Variants in CAST observed in about 807,000 individuals in gnomAD.
CAST encodes the protein calpastatin, also known as MIR583 host.
In CAST, 76 loss-of-function variants were observed where a neutral mutation model predicts 119.6. The ratio of observed to expected loss-of-function variants is 0.64; its 90% CI spans 0.53 to 0.77. The LOEUF is 0.77. Ranked by LOEUF, CAST falls within the 30% of genes least tolerant of loss-of-function variation. CAST has a pLI of 0.00. For missense variants in CAST, 953 were observed against 946.5 expected (o/e 1.01, Z -0.09); for synonymous variants, 319 against 331.6 (o/e 0.96, Z 0.41).
At chr5:96,452,819 G>C in the CAST span, among the ~76,000 whole-genome samples, 1 of 145,470 alleles carries the variant, frequency 6.9e-6, no homozygotes, top group South Asian at 2.2e-4. Context: ...GCGCGGTGGC[G>C]GGCGCCTGTA....
At chr5:96,720,189 TG>T (rs752220841) in intron 3 of CAST, among the ~76,000 whole-genome samples, 1 of 152,202 alleles carries the variant, frequency 6.6e-6, no homozygotes, top group Non-Finnish European at 1.5e-5. Flanking sequence ...GGTAAAATCT[TG>T]GACATGAGAT....
the CAST span, among the ~76,000 whole-genome samples, chr5:96,325,372 T>TTC: frequency 2.0e-5 from 3 of 150,312 alleles, no homozygotes; most frequent in African/African-American, 7.4e-5. Context: ...TTTCTTTCTT[T>TTC]TCTTTCTTCT....
intron 1 of CAST, among the ~76,000 whole-genome samples, chr5:96,541,676 G>A (rs1745916177): frequency 6.6e-6 from 1 of 152,138 alleles, no homozygotes; most frequent in African/African-American, 2.4e-5. Context: ...CGTTTGTATA[G>A]TTTTTTCCTT....
chr5:96,658,309 A>G (rs986313907), upstream of CAST, among the ~76,000 whole-genome samples: 6 of 152,156 alleles, frequency 3.9e-5, no homozygotes, highest in African/African-American at 1.4e-4. Context: ...CTATCAGCAC[A>G]TACACAAAAG....
chr5:96,090,008 T>C, the CAST span, among the ~76,000 whole-genome samples: 4 of 152,184 alleles, frequency 2.6e-5, no homozygotes, highest in Non-Finnish European at 4.4e-5. Flanking sequence ...TATTTGGTGG[T>C]ATCCCAGTGT....
the CAST span, among the ~76,000 whole-genome samples, chr5:96,494,141 C>T: frequency 6.6e-6 from 1 of 152,166 alleles, no homozygotes; most frequent in South Asian, 2.1e-4. Context: ...AAAAGCAATT[C>T]CAAGCAAACA....
At chr5:96,035,198 A>G in the CAST span, among the ~76,000 whole-genome samples, 1 of 105,348 alleles carries the variant, frequency 9.5e-6, no homozygotes, top group Non-Finnish European at 1.9e-5. Flanking sequence ...AAATAAGTAT[A>G]TATAAAAAAT....
the CAST span, among the ~76,000 whole-genome samples, chr5:96,379,384 A>C: frequency 6.6e-6 from 1 of 152,192 alleles, no homozygotes; most frequent in African/African-American, 2.4e-5. Context: ...GTATTTAGTG[A>C]ATCCATTCAC....
the CAST span, among the ~76,000 whole-genome samples, chr5:96,456,187 A>G: frequency 6.6e-6 from 1 of 152,268 alleles, no homozygotes; most frequent in Admixed American, 6.5e-5. Context: ...CAAAGAAAGA[A>G]GGAGCCAATA....
At chr5:96,163,868 G>A in the CAST span, among the ~76,000 whole-genome samples, 2 of 152,232 alleles carry the variant, frequency 1.3e-5, no homozygotes, top group Admixed American at 1.3e-4. Context: ...TGGTCACTAT[G>A]TAGGGTCACT....
the CAST span, among the ~76,000 whole-genome samples, chr5:96,301,783 C>T: frequency 1.3e-5 from 2 of 152,190 alleles, no homozygotes; most frequent in Non-Finnish European, 2.9e-5. Context: ...CCCCTGTGGC[C>T]CTGCAGTGTA....
intron 1 of CAST, among the ~76,000 whole-genome samples, chr5:96,644,699 G>C (rs1747994397): frequency 6.6e-6 from 1 of 152,180 alleles, no homozygotes. Flanking sequence ...TCCAAGCCAG[G>C]CGCCGTGGCT....
At chr5:96,270,458 G>T in the CAST span, among the ~76,000 whole-genome samples, 1 of 152,098 alleles carries the variant, frequency 6.6e-6, no homozygotes, top group Non-Finnish European at 1.5e-5. Context: ...AATTACCCTT[G>T]TTTGCAGACA....
intron 3 of CAST, among the ~76,000 whole-genome samples, chr5:96,707,111 G>A (rs1344470238): frequency 6.6e-6 from 1 of 152,152 alleles, no homozygotes; most frequent in Non-Finnish European, 1.5e-5. Flanking sequence ...TCTCAATCTA[G>A]TTTCTAATTT....
chr5:96,010,863 A>G, the CAST span, among the ~76,000 whole-genome samples: 1 of 152,032 alleles, frequency 6.6e-6, no homozygotes, highest in Non-Finnish European at 1.5e-5. Context: ...CTTTGTGGCT[A>G]TTGTAAATGG....
At chr5:96,311,099 G>T in the CAST span, among the ~76,000 whole-genome samples, 2 of 151,952 alleles carry the variant, frequency 1.3e-5, no homozygotes, top group African/African-American at 4.8e-5. Flanking sequence ...TGCTTTTGCT[G>T]CATCCCATAC....
chr5:96,323,590 T>C, the CAST span, among the ~76,000 whole-genome samples: 1 of 152,278 alleles, frequency 6.6e-6, no homozygotes, highest in South Asian at 2.1e-4. Flanking sequence ...TCTTTTTAAT[T>C]TTTTTCTTTA....
the CAST span, among the ~76,000 whole-genome samples, chr5:96,468,851 T>C: frequency 6.6e-6 from 1 of 152,050 alleles, no homozygotes; most frequent in African/African-American, 2.4e-5. Flanking sequence ...AAAATGTATC[T>C]TTCCACTGGC....
chr5:96,627,507 A>G (rs1747745992), intron 1 of CAST, among the ~76,000 whole-genome samples: 1 of 152,204 alleles, frequency 6.6e-6, no homozygotes, highest in African/African-American at 2.4e-5. Flanking sequence ...ACAAAGTCAG[A>G]CATTTTTTGA....
Sources: allele counts gnomAD v4.1 joint callset (sites outside exome capture counted in the v4.1 genomes callset), GRCh38; gene constraint gnomAD v4.1.1; transcripts MANE v1.5; gene names NCBI Gene and HGNC (gene_info 2026-07-23, HGNC 2026-07-21).